SOX5: variants seen among roughly 807,000 people sequenced by gnomAD.
SOX5 encodes transcription factor SOX-5.
Under a neutral mutation model 92.0 loss-of-function variants are expected in SOX5, and 9 were observed. The observed-to-expected ratio is 0.10, with a 90% CI of 0.06 to 0.17. SOX5 has a LOEUF of 0.17. SOX5 is among the 10% of genes least tolerant of loss of function. The probability of loss-of-function intolerance (pLI) is 1.00; values close to 1 mark genes in which losing one functional copy is unlikely to be tolerated. For synonymous variants in SOX5, 344 were observed against 336.3 expected, an observed-to-expected ratio of 1.02 and a Z score of -0.25; for missense variants, 642 against 944.5, an observed-to-expected ratio of 0.68 and a Z score of 4.20.
intron 4 of SOX5, among the ~76,000 whole-genome samples, chr12:24,142,895 G>A (rs970664647): frequency 1.3e-5 from 2 of 150,888 alleles, no homozygotes; most frequent in African/African-American, 2.4e-5. Context: ...GAGATGCGTA[G>A]AGGGCCCTCC....
Position 23,827,367 on chromosome 12 carries a change from A to C in SOX5, c.481+18616T>G, listed in dbSNP as rs1372867548. On this transcript the variant is annotated intron_variant, in intron 3 of 14. Coordinates refer to ENST00000451604, the MANE Select transcript of SOX5 (RefSeq NM_006940.6). ...AATTTACAATAAAAAGAGAATGGTA[A>C]ATTGAAAACTTTTTCTACAGAGACA... Among the ~76,000 whole-genome samples, 11 of 152,228 alleles carry C rather than the reference A, an allele frequency of 7.2e-5. 1 individual carries two copies. Among genetic ancestry groups the C allele is most frequent in the Admixed American group, 7.2e-4 (11 of 15,272 alleles).
intron 1 of SOX5, among the ~76,000 whole-genome samples, chr12:23,923,055 C>T (rs1938857715): frequency 6.6e-6 from 1 of 151,994 alleles, no homozygotes; most frequent in Admixed American, 6.6e-5. Context: ...CCGCCATTCT[C>T]CTGCCTCAGC....
rs144001860 is a variant in SOX5 at position 24,479,166 on chromosome 12, GCATGTTTAAATTC to G, written c.-251+83150_-251+83162del. The stretch of plus-strand genomic sequence containing the variant: ...AGAAATGTCATTTCTCTGCATCTTT[GCATGTTTAAATTC>G]CATGCATTCCTTAATATGTAATTCA... On this transcript the variant is annotated intron_variant, in intron 1 of 4. Coordinates refer to the SOX5 transcript ENST00000446891. 3.8e-3 allele frequency among the ~76,000 whole-genome samples: 580 copies of G among 152,140 alleles called. 3 individuals are homozygous for G. Among genetic ancestry groups the G allele is most frequent in the African/African-American group, 0.013 (544 of 41,508 alleles).
intron 8 of SOX5, among the ~76,000 whole-genome samples, chr12:23,629,442 C>G (rs941990442): frequency 1.7e-4 from 26 of 152,084 alleles, no homozygotes; most frequent in African/African-American, 5.8e-4. Context: ...TCTGTTTTAG[C>G]CAGGTCACTA....
At chr12:24,546,600 C>G (rs1952645340) in intron 1 of SOX5, among the ~76,000 whole-genome samples, 1 of 152,232 alleles carries the variant, frequency 6.6e-6, no homozygotes, top group African/African-American at 2.4e-5. Flanking sequence ...CACTACCACT[C>G]TCTCAGAGCA....
intron 1 of SOX5, among the ~76,000 whole-genome samples, chr12:24,441,832 A>T (rs1472044295): frequency 6.6e-6 from 1 of 152,188 alleles, no homozygotes; most frequent in African/African-American, 2.4e-5. Context: ...GTCTGTTGGA[A>T]CGGCACTCTG....
At chr12:23,840,690 C>G (rs1263860216) in intron 3 of SOX5, among the ~76,000 whole-genome samples, 1 of 152,094 alleles carries the variant, frequency 6.6e-6, no homozygotes, top group East Asian at 1.9e-4. Flanking sequence ...CAAATACGTT[C>G]AATTGATCTT....
intron 4 of SOX5, among the ~76,000 whole-genome samples, chr12:24,020,575 G>A (rs1260929882): frequency 6.6e-6 from 1 of 152,146 alleles, no homozygotes; most frequent in East Asian, 1.9e-4. Flanking sequence ...GACACAAGCT[G>A]CGGAGCTGTG....
At chr12:24,328,433 C>T (rs886514382) in intron 2 of SOX5, among the ~76,000 whole-genome samples, 7 of 152,168 alleles carry the variant, frequency 4.6e-5, no homozygotes, top group Admixed American at 2.6e-4. Context: ...CACACTTCAG[C>T]AGACACTAAA....
At chr12:23,906,545 G>A (rs1031107295) in intron 1 of SOX5, among the ~76,000 whole-genome samples, 6 of 152,146 alleles carry the variant, frequency 3.9e-5, no homozygotes, top group South Asian at 2.1e-4. Flanking sequence ...CTGAGTCAGC[G>A]TGAAAGTGCT....
chr12:23,580,355 C>T (rs1263215839), intron 9 of SOX5, among the ~76,000 whole-genome samples: 1 of 151,988 alleles, frequency 6.6e-6, no homozygotes, highest in Non-Finnish European at 1.5e-5. Flanking sequence ...ACAATAACCA[C>T]ATGAAAGATA....
At chr12:24,062,797 G>A (rs1939987157) in intron 4 of SOX5, among the ~76,000 whole-genome samples, 1 of 152,206 alleles carries the variant, frequency 6.6e-6, no homozygotes, top group East Asian at 1.9e-4. Flanking sequence ...ATGGGATGCT[G>A]CCAATCTTTT....
intron 10 of SOX5, among the ~76,000 whole-genome samples, chr12:23,564,586 C>T (rs1279954367): frequency 6.6e-6 from 1 of 152,162 alleles, no homozygotes; most frequent in Non-Finnish European, 1.5e-5. Context: ...GCAAACTTTA[C>T]ACCCTAATCC....
intron 3 of SOX5, among the ~76,000 whole-genome samples, chr12:23,804,951 A>ATG (rs2095740108): frequency 6.8e-5 from 1 of 14,612 alleles, no homozygotes; most frequent in African/African-American, 1.9e-4. Flanking sequence ...ATATATATAT[A>ATG]TATATATATA....
intron 4 of SOX5, among the ~76,000 whole-genome samples, chr12:24,053,185 C>T (rs527373970): frequency 6.8e-6 from 1 of 146,080 alleles, no homozygotes; most frequent in Non-Finnish European, 1.5e-5. Context: ...CACGCCCCCC[C>T]CCTTTTTTTT....
intron 6 of SOX5, among the ~76,000 whole-genome samples, chr12:23,674,128 T>A (rs538612024): frequency 2.6e-5 from 4 of 152,206 alleles, no homozygotes; most frequent in Admixed American, 2.0e-4. Flanking sequence ...AGGTGTTATT[T>A]CCAATTTTAT....
At chr12:23,968,806 T>C (rs910973076) in intron 4 of SOX5, among the ~76,000 whole-genome samples, 6 of 152,170 alleles carry the variant, frequency 3.9e-5, no homozygotes, top group Non-Finnish European at 2.9e-5. Context: ...TGCCCCTTCA[T>C]TGATTTCTTT....
At chr12:23,585,907 T>A (rs926867079) in intron 9 of SOX5, among the ~76,000 whole-genome samples, 4 of 152,112 alleles carry the variant, frequency 2.6e-5, no homozygotes, top group Non-Finnish European at 5.9e-5. Flanking sequence ...CCCATTTGCA[T>A]AATAAAAGAT....
chr12:24,380,066 G>A (rs575510280), intron 1 of SOX5, among the ~76,000 whole-genome samples: 1 of 152,282 alleles, frequency 6.6e-6, no homozygotes, highest in South Asian at 2.1e-4. Context: ...TGAAATGAAA[G>A]ACAGGAAGAT....
Sources: gnomAD v4.1 joint callset for allele counts (sites outside exome capture counted in the v4.1 genomes callset) on GRCh38, gnomAD v4.1.1 for gene constraint, MANE v1.5 for transcripts, NCBI Gene and HGNC (gene_info 2026-07-23, HGNC 2026-07-21) for gene names.